Variants in CNTN4 observed in about 807,000 individuals in gnomAD.
The protein encoded by CNTN4 is contactin-4.
Under a neutral mutation model 122.5 loss-of-function variants are expected in CNTN4, and 77 were observed. That is an observed-to-expected ratio of 0.63 (90% CI 0.52 to 0.76). The LOEUF (loss-of-function observed/expected upper bound fraction) is 0.76, where lower values mean the gene tolerates loss of function less well. Among genes scored for constraint, CNTN4 ranks in the 30% least tolerant of loss-of-function variants. The probability of loss-of-function intolerance (pLI) is 0.00; values close to 1 mark genes in which losing one functional copy is unlikely to be tolerated. For synonymous variants in CNTN4, 512 were observed against 447.0 expected, an observed-to-expected ratio of 1.15 and a Z score of -1.83; for missense variants, 1,256 against 1,259.1, an observed-to-expected ratio of 1.00 and a Z score of 0.04.
intron 3 of CNTN4, among the ~76,000 whole-genome samples, chr3:2,434,646 G>A (rs1281676104): frequency 6.6e-6 from 1 of 152,172 alleles, no homozygotes; most frequent in Non-Finnish European, 1.5e-5. Context: ...TCTAAAAGGT[G>A]ATGTAATTAG....
At chr3:2,561,117 G>A (rs1342447962) in intron 3 of CNTN4, among the ~76,000 whole-genome samples, 1 of 152,086 alleles carries the variant, frequency 6.6e-6, no homozygotes, top group South Asian at 2.1e-4. Context: ...CACGGTTCTT[G>A]CCACTTTTAA....
At chr3:2,834,738 A>C (rs1435136835) in intron 7 of CNTN4, among the ~76,000 whole-genome samples, 2 of 152,080 alleles carry the variant, frequency 1.3e-5, no homozygotes, top group Non-Finnish European at 2.9e-5. Flanking sequence ...TAAGAGCCTC[A>C]GATTGAGTTA....
chr3:2,246,413 A>G (rs1018470836), intron 2 of CNTN4, among the ~76,000 whole-genome samples: 5 of 152,006 alleles, frequency 3.3e-5, no homozygotes, highest in African/African-American at 4.8e-5. Context: ...TTTTGCTATC[A>G]TATTACATTT....
chr3:3,052,356 T>TGTC (rs2125898613), intron 23 of CNTN4, among the ~76,000 whole-genome samples: 1 of 152,286 alleles, frequency 6.6e-6, no homozygotes, highest in East Asian at 1.9e-4. Context: ...TTGACAAACA[T>TGTC]GTCTGCAGAC....
chr3:2,873,046 C>A (rs1237710082), intron 8 of CNTN4, among the ~76,000 whole-genome samples: 2 of 152,228 alleles, frequency 1.3e-5, no homozygotes, highest in East Asian at 3.9e-4. Context: ...CAAACGATGA[C>A]CTCAGCATCC....
At chr3:2,168,269 A>G (rs181026625) in intron 2 of CNTN4, among the ~76,000 whole-genome samples, 228 of 152,338 alleles carry the variant, frequency 1.5e-3, no homozygotes, top group Non-Finnish European at 1.7e-3. Flanking sequence ...CTTATAGGTT[A>G]TATTGTCTAA....
intron 3 of CNTN4, among the ~76,000 whole-genome samples, chr3:2,493,200 C>T (rs2076365239): frequency 6.6e-6 from 1 of 151,936 alleles, no homozygotes; most frequent in Non-Finnish European, 1.5e-5. Flanking sequence ...AGTTGCTGTC[C>T]ATACTCTCAA....
intron 3 of CNTN4, among the ~76,000 whole-genome samples, chr3:2,347,410 C>CTTTTTTTTTTTTTTTTTT: frequency 8.8e-6 from 1 of 113,162 alleles, no homozygotes; most frequent in Non-Finnish European, 1.7e-5. Flanking sequence ...GAAATACAAT[C>CTTTTTTTTTTTTTTTTTT]TTTTTTTTTT....
chr3:2,384,031 C>G (rs2046137943), intron 3 of CNTN4, among the ~76,000 whole-genome samples: 1 of 152,026 alleles, frequency 6.6e-6, no homozygotes, highest in African/African-American at 2.4e-5. Context: ...CTAATTCACC[C>G]TTGAAAAAAT....
intron 13 of CNTN4, among the ~76,000 whole-genome samples, chr3:2,945,461 G>A (rs2094666302): frequency 6.6e-6 from 1 of 152,004 alleles, no homozygotes; most frequent in African/African-American, 2.4e-5. Context: ...TTTAGCCTTG[G>A]GGACTCTCCA....
chr3:2,232,182 C>T (rs2039512397), intron 2 of CNTN4, among the ~76,000 whole-genome samples: 1 of 151,962 alleles, frequency 6.6e-6, no homozygotes, highest in African/African-American at 2.4e-5. Flanking sequence ...TGACCTGAAC[C>T]AGAAATTGTG....
rs182917640 is a variant in CNTN4, at chr3:2,697,387, C to T, written c.56-38828C>T. 7.2e-5 allele frequency among the ~76,000 whole-genome samples: 11 copies of T among 152,176 alleles called. No homozygotes were observed. The East Asian group carries it at 1.7e-3, about 24-fold the overall frequency. ...GTCCATTTGTTTTTTTCTGAGCATCCGTCTCTGTCTCCCAGACTTAAAGAG... is the reference window on the plus strand; with the variant it reads ...GTCCATTTGTTTTTTTCTGAGCATCTGTCTCTGTCTCCCAGACTTAAAGAG... On this transcript the variant is annotated intron_variant, in intron 4 of 24. Coordinates refer to ENST00000418658, the MANE Select transcript of CNTN4 (RefSeq NM_175607.3).
At chr3:2,680,874 C>G (rs961281035) in intron 4 of CNTN4, among the ~76,000 whole-genome samples, 4 of 152,062 alleles carry the variant, frequency 2.6e-5, no homozygotes, top group Non-Finnish European at 5.9e-5. Flanking sequence ...GGTAGATTGA[C>G]AAGTACGTTC....
At chr3:2,706,515 C>A (rs571939636) in intron 4 of CNTN4, among the ~76,000 whole-genome samples, 1 of 152,204 alleles carries the variant, frequency 6.6e-6, no homozygotes, top group South Asian at 2.1e-4. Context: ...TGATATCTTG[C>A]ATCATCACAT....
chr3:2,949,600 A>G (rs1192846003), intron 13 of CNTN4, among the ~76,000 whole-genome samples: 1 of 152,194 alleles, frequency 6.6e-6, no homozygotes, highest in Non-Finnish European at 1.5e-5. Context: ...GGCAGGACAC[A>G]GAGCAGAGAC....
chr3:2,918,530 C>T (rs2094393689), intron 12 of CNTN4, among the ~76,000 whole-genome samples: 1 of 152,166 alleles, frequency 6.6e-6, no homozygotes, highest in South Asian at 2.1e-4. Flanking sequence ...GCAGCAGGAG[C>T]TCATTCTATG....
chr3:2,850,638 T>G (rs984102385), intron 7 of CNTN4, among the ~76,000 whole-genome samples: 3 of 152,318 alleles, frequency 2.0e-5, no homozygotes, highest in Non-Finnish European at 2.9e-5. Context: ...TTATCATTTA[T>G]CTAGATGAAT....
At chr3:2,305,065 C>T (rs1250065744) in intron 2 of CNTN4, among the ~76,000 whole-genome samples, 1 of 151,904 alleles carries the variant, frequency 6.6e-6, no homozygotes, top group African/African-American at 2.4e-5. Flanking sequence ...GTCCATTTCC[C>T]TGGTGCTGCT....
chr3:2,893,123 T>G (rs2094063525), intron 10 of CNTN4, among the ~76,000 whole-genome samples: 1 of 152,196 alleles, frequency 6.6e-6, no homozygotes, highest in Non-Finnish European at 1.5e-5. Context: ...GGTCACCTGG[T>G]TATTGAGTCC....
Sources: gnomAD v4.1 joint callset for allele counts (sites outside exome capture counted in the v4.1 genomes callset) on GRCh38, gnomAD v4.1.1 for gene constraint, MANE v1.5 for transcripts, NCBI Gene and HGNC (gene_info 2026-07-23, HGNC 2026-07-21) for gene names.